Variants in ECD observed in about 807,000 individuals in gnomAD.
ECD encodes the protein ecdysoneless cell cycle regulator.
In ECD, 59 loss-of-function variants were observed where a neutral mutation model predicts 77.2. The observed-to-expected ratio is 0.76, with a 90% CI of 0.62 to 0.95. ECD has a LOEUF of 0.95. ECD is among the 40% of genes least tolerant of loss of function. The pLI, the probability that ECD is intolerant of heterozygous loss-of-function variation, is 0.00. For missense variants in ECD, 704 were observed against 763.4 expected (o/e 0.92, Z 0.92); for synonymous variants, 233 against 267.4 (o/e 0.87, Z 1.26).
intron 5 of ECD, 45 bp downstream of exon 5, chr10:73,156,230 A>C: frequency 6.6e-7 from 1 of 1,515,668 alleles, no homozygotes; most frequent in Non-Finnish European, 8.8e-7. Context: ...ACTACACGAA[A>C]CCAAAAGGTT....
At chr10:73,160,032 C>G (rs1320592566) in intron 3 of ECD, among the ~76,000 whole-genome samples, 1 of 151,510 alleles carries the variant, frequency 6.6e-6, no homozygotes, top group African/African-American at 2.4e-5. Flanking sequence ...CGCCTGTATT[C>G]CCAGCACTTT....
chr10:73,146,196 G>GAATAATA (rs1046210899), intron 9 of ECD, 80 bp downstream of exon 9: 49 of 690,104 alleles, frequency 7.1e-5, no homozygotes, highest in Non-Finnish European at 9.1e-5. Context: ...AAATAAATAA[G>GAATAATA]AATAATAAAT....
rs1292279622 is a variant in ECD, at chr10:73,136,610, C to T, written c.1704+94G>A. 5.2e-6 allele frequency: 6 copies of T among 1,147,880 alleles called. No individual in the cohort carries two copies. The Admixed American group carries it at 1.5e-4, about 28-fold the overall frequency. The allele number at this position is 1,147,880 out of a possible 1,614,324, so 71.1% of individuals were successfully genotyped here. ...TAACATTCTTATTTATTTCAAATCT[C>T]ACACACCAAAAAAAGAAAAACTATG... On this transcript the variant is annotated intron_variant, in intron 13 of 13. Transcript: ENST00000372979.
intron 8 of ECD, 60 bp from the exon 9 acceptor site, chr10:73,146,421 G>C: frequency 8.3e-7 from 1 of 1,208,810 alleles, no homozygotes; most frequent in Non-Finnish European, 1.2e-6. Flanking sequence ...AAAAAAATGT[G>C]TTCACCAGCA....
Position 73,154,350 on chromosome 10 carries a change from G to A in ECD, c.689C>T (p.Ala230Val), listed in dbSNP as rs766868048. 94 of 1,614,010 alleles carry A rather than the reference G, an allele frequency of 5.8e-5. 2 individuals carry two copies. The East Asian group carries it at 1.8e-3, about 31-fold the overall frequency. Reference protein sequence around the residue: ...VLKQRPRLVAAAVQAFYLRDP... With the variant: ...VLKQRPRLVAVAVQAFYLRDP... ...TCGTAGGTAAAATGCCTGGACTGCT[G>A]CAGCCACCAATCTGGGGCGCTGCTT... Residue 230 changes from alanine (A) to valine (V), a missense_variant, in exon 6 of 14, where the codon GCA becomes GTA. Transcript: ENST00000372979.
At chr10:73,151,960 C>T (rs1843214166) in intron 7 of ECD, among the ~76,000 whole-genome samples, 1 of 152,068 alleles carries the variant, frequency 6.6e-6, no homozygotes, top group Admixed American at 6.6e-5. Flanking sequence ...TCAAGTCATG[C>T]ATAGAAAGGC....
Position 73,164,358 on chromosome 10 carries a change from A to T in ECD, c.-13-408T>A, listed in dbSNP as rs151204236. 8.8e-3 allele frequency among the ~76,000 whole-genome samples: 1,342 copies of T among 151,976 alleles called. 18 individuals are homozygous for T. Among genetic ancestry groups the T allele is most frequent in the African/African-American group, 0.024 (988 of 41,512 alleles). On this transcript the variant is annotated intron_variant, in intron 1 of 13. Coordinates refer to ENST00000372979, the MANE Select transcript of ECD (RefSeq NM_007265.3). Reference sequence around the variant, plus strand: ...CAGAGCAAGACTCCAACTAAAAAAAAAAATAAATAAAAATAAAAAATAAAA... The same window carrying T: ...CAGAGCAAGACTCCAACTAAAAAAATAAATAAATAAAAATAAAAAATAAAA...
intron 9 of ECD, among the ~76,000 whole-genome samples, chr10:73,140,454 C>T (rs571107273): frequency 2.6e-5 from 4 of 151,268 alleles, no homozygotes; most frequent in Admixed American, 1.3e-4. Flanking sequence ...TTTGGGAGGC[C>T]AAGGCGGGGA....
chr10:73,145,865 G>T (rs1843120590), intron 9 of ECD, among the ~76,000 whole-genome samples: 1 of 152,044 alleles, frequency 6.6e-6, no homozygotes, highest in East Asian at 1.9e-4. Context: ...GGATGGTCTT[G>T]ATCTTTTGAC....
intron 7 of ECD, among the ~76,000 whole-genome samples, chr10:73,150,499 G>C (rs1467678942): frequency 2.0e-5 from 3 of 152,124 alleles, no homozygotes; most frequent in Admixed American, 6.5e-5. Context: ...AAAAGCAATG[G>C]CAACAAAAGC....
intron 2 of ECD, among the ~76,000 whole-genome samples, chr10:73,161,590 T>G (rs1843382443): frequency 6.6e-6 from 1 of 152,164 alleles, no homozygotes; most frequent in South Asian, 2.1e-4. Flanking sequence ...AAAGCTGGCT[T>G]CACCGGGGAA....
chr10:73,138,844 C>A (rs1482276342), intron 11 of ECD, among the ~76,000 whole-genome samples: 1 of 152,214 alleles, frequency 6.6e-6, no homozygotes, highest in Non-Finnish European at 1.5e-5. Flanking sequence ...GGATTACAGG[C>A]ATGAGCCACC....
At chr10:73,161,510 T>C (rs1182442925) in intron 2 of ECD, among the ~76,000 whole-genome samples, 2 of 151,962 alleles carry the variant, frequency 1.3e-5, no homozygotes, top group Non-Finnish European at 1.5e-5. Context: ...TCATGAGAAA[T>C]ACAAAAATCT....
intron 1 of ECD, among the ~76,000 whole-genome samples, chr10:73,164,621 C>T (rs1208532674): frequency 6.6e-6 from 1 of 151,924 alleles, no homozygotes; most frequent in African/African-American, 2.4e-5. Context: ...GTGCATGCCA[C>T]CATGCCCAGC....
At chr10:73,142,958 C>T (rs1843077660) in intron 9 of ECD, among the ~76,000 whole-genome samples, 1 of 152,074 alleles carries the variant, frequency 6.6e-6, no homozygotes, top group African/African-American at 2.4e-5. Flanking sequence ...CCCCTCTACC[C>T]CACACACTGC....
chr10:73,140,615 G>T (rs1483779681), intron 9 of ECD, among the ~76,000 whole-genome samples: 2 of 152,010 alleles, frequency 1.3e-5, no homozygotes, highest in Non-Finnish European at 2.9e-5. Context: ...CCGGGAGGTG[G>T]AGGTTGCAGT....
intron 7 of ECD, among the ~76,000 whole-genome samples, chr10:73,151,718 G>A (rs553914818): frequency 2.0e-5 from 3 of 152,082 alleles, no homozygotes; most frequent in African/African-American, 7.2e-5. Flanking sequence ...TGTGGACTAT[G>A]TTCATAGTTC....
At chr10:73,139,216 CA>C (rs60066016) in intron 11 of ECD, 92 bp downstream of exon 11, 165,362 of 1,031,022 alleles carry the variant, frequency 0.16, 65 homozygotes, top group East Asian at 0.18. Flanking sequence ...CTCATTTACT[CA>C]AAAAAAAAAA....
In ECD at chr10:73,152,843, T is replaced by C. The variant is rs369771202; in HGVS notation, c.784-422A>G. 6.7e-5 allele frequency among the ~76,000 whole-genome samples: 10 copies of C among 149,950 alleles called. No individual in the cohort carries two copies. In the South Asian group the frequency reaches 1.9e-3, roughly 28 times the overall value. On this transcript the variant is annotated intron_variant, in intron 6 of 13. Transcript: ENST00000372979. ...AGGAGAATTGCTTGAACCCGGGAGG[T>C]GGAGGAAGTTGCAGTGAGCTGAGAT...
Sources: allele counts gnomAD v4.1 joint callset (sites outside exome capture counted in the v4.1 genomes callset), GRCh38; gene constraint gnomAD v4.1.1; transcripts MANE v1.5; gene names NCBI Gene and HGNC (gene_info 2026-07-23, HGNC 2026-07-21).